Variants in SLC4A4 observed in about 807,000 individuals in gnomAD.
The protein encoded by SLC4A4 is electrogenic sodium bicarbonate cotransporter 1.
SLC4A4 carries 27 observed loss-of-function variants against 111.5 expected under a neutral mutation model. The observed-to-expected ratio is 0.24, with a 90% CI of 0.18 to 0.33. The LOEUF (loss-of-function observed/expected upper bound fraction) is 0.33. Among genes scored for constraint, SLC4A4 ranks in the 10% least tolerant of loss-of-function variants. SLC4A4 has a pLI of 1.00. For missense variants in SLC4A4, 909 were observed against 1,315.5 expected (o/e 0.69, Z 4.78); for synonymous variants, 443 against 463.4 (o/e 0.96, Z 0.57).
chr4:71,082,920 C>T (rs957860114), intron 1 of SLC4A4, among the ~76,000 whole-genome samples: 7 of 151,172 alleles, frequency 4.6e-5, no homozygotes, highest in African/African-American at 1.5e-4. Context: ...GTCACAGGAT[C>T]GCGGCTCACT....
At chr4:71,316,554 TA>T in intron 3 of SLC4A4, among the ~76,000 whole-genome samples, 1 of 152,246 alleles carries the variant, frequency 6.6e-6, no homozygotes, top group Admixed American at 6.5e-5. Context: ...TTATGATTTT[TA>T]AAAATTTAAT....
At chr4:71,475,795 G>A (rs1369897196) in intron 14 of SLC4A4, among the ~76,000 whole-genome samples, 1 of 151,880 alleles carries the variant, frequency 6.6e-6, no homozygotes, top group Non-Finnish European at 1.5e-5. Context: ...AGCTATTACA[G>A]ATAAAATTCT....
At chr4:71,195,849 T>C (rs1745975790) in intron 1 of SLC4A4, among the ~76,000 whole-genome samples, 2 of 152,262 alleles carry the variant, frequency 1.3e-5, no homozygotes, top group Admixed American at 1.3e-4. Context: ...AGCTCTTCCA[T>C]TTCTTGTGCC....
At chr4:71,539,713 G>C (rs1734873242) in intron 18 of SLC4A4, among the ~76,000 whole-genome samples, 1 of 152,042 alleles carries the variant, frequency 6.6e-6, no homozygotes, top group Non-Finnish European at 1.5e-5. Flanking sequence ...TTCTTTTACA[G>C]TATCTGTTTT....
chr4:71,285,512 G>A (rs1328982878), intron 3 of SLC4A4, among the ~76,000 whole-genome samples: 1 of 152,168 alleles, frequency 6.6e-6, no homozygotes, highest in Non-Finnish European at 1.5e-5. Context: ...GCTGGGGCTT[G>A]ATGAAGCATC....
intron 1 of SLC4A4, among the ~76,000 whole-genome samples, chr4:71,228,487 ATT>A (rs1454791580): frequency 6.6e-6 from 1 of 152,216 alleles, no homozygotes; most frequent in Non-Finnish European, 1.5e-5. Flanking sequence ...TTAGGAAATT[ATT>A]TAATTCCCTA....
intron 1 of SLC4A4, among the ~76,000 whole-genome samples, chr4:71,076,522 ACT>A (rs1741834048): frequency 6.6e-6 from 1 of 150,814 alleles, no homozygotes. Context: ...ATGAAGCCAG[ACT>A]CTGTCTTTAA....
At chr4:71,481,166 T>G (rs1236671393) in intron 14 of SLC4A4, among the ~76,000 whole-genome samples, 4 of 151,680 alleles carry the variant, frequency 2.6e-5, no homozygotes. Flanking sequence ...TGTGGGAGCC[T>G]AAGGGCACTA....
chr4:71,493,174 A>C (rs1196092962), intron 15 of SLC4A4, among the ~76,000 whole-genome samples: 1 of 151,960 alleles, frequency 6.6e-6, no homozygotes, highest in Non-Finnish European at 1.5e-5. Context: ...CAAAAATAAA[A>C]CATGCCCAGT....
At chr4:71,196,130 G>T (rs528224913) in intron 1 of SLC4A4, among the ~76,000 whole-genome samples, 6 of 152,218 alleles carry the variant, frequency 3.9e-5, no homozygotes, top group Non-Finnish European at 7.3e-5. Flanking sequence ...CAGTTGAACT[G>T]CTTCACAAAT....
chr4:71,151,441 T>C (rs1218679063), intron 2 of SLC4A4, among the ~76,000 whole-genome samples: 1 of 152,134 alleles, frequency 6.6e-6, no homozygotes, highest in Non-Finnish European at 1.5e-5. Flanking sequence ...TGATGAAGTC[T>C]TCATTTTCTC....
chr4:71,063,292 T>C (rs748627086), intron 1 of SLC4A4, among the ~76,000 whole-genome samples: 2 of 152,194 alleles, frequency 1.3e-5, no homozygotes, highest in Non-Finnish European at 2.9e-5. Context: ...TATAAAGTGT[T>C]CTGAAACGTT....
At chr4:71,351,603 C>G (rs1729841294) in intron 5 of SLC4A4, among the ~76,000 whole-genome samples, 1 of 152,166 alleles carries the variant, frequency 6.6e-6, no homozygotes, top group East Asian at 1.9e-4. Context: ...GCCTGTAATC[C>G]CAGCACTTTT....
intron 2 of SLC4A4, among the ~76,000 whole-genome samples, chr4:71,150,346 A>T (rs529559264): frequency 6.6e-6 from 1 of 152,260 alleles, no homozygotes; most frequent in South Asian, 2.1e-4. Flanking sequence ...TTAGGGAAAC[A>T]GATGCCCTTC....
In SLC4A4 at chr4:71,557,736, C is replaced by T; in HGVS notation, c.2788C>T (p.Leu930=). 2 of 1,612,792 alleles carry T rather than the reference C, an allele frequency of 1.2e-6. No individual in the cohort carries two copies. Among genetic ancestry groups the T allele is most frequent in the East Asian group, 4.5e-5 (2 of 44,754 alleles). The change falls in exon 22 of 26, where the codon CTG becomes TTG. Residue 930 remains leucine (L), a synonymous_variant. Transcript: ENST00000264485. ...GTTCATGGATCGTCTGAAGCTGCTT[C>T]TGATGCCTCTGAAGCATCAGCCTGA... ...VQFMDRLKLL[L]MPLKHQPDFI...
intron 12 of SLC4A4, among the ~76,000 whole-genome samples, chr4:71,454,403 G>A (rs1402317238): frequency 1.3e-5 from 2 of 152,150 alleles, no homozygotes; most frequent in East Asian, 1.9e-4. Flanking sequence ...AAAAGCTATT[G>A]TGCTAGGTGA....
intron 12 of SLC4A4, among the ~76,000 whole-genome samples, chr4:71,461,299 T>C (rs373196947): frequency 1.3e-5 from 2 of 152,040 alleles, no homozygotes; most frequent in Non-Finnish European, 2.9e-5. Flanking sequence ...TCAAAAAAAA[T>C]AGAAAATTTT....
At chr4:71,207,914 G>A (rs1717873051) in intron 1 of SLC4A4, among the ~76,000 whole-genome samples, 1 of 152,256 alleles carries the variant, frequency 6.6e-6, no homozygotes, top group Middle Eastern at 3.4e-3. Flanking sequence ...TTAGGCTCAC[G>A]TGATCCTCCC....
At chr4:71,534,415 T>G in intron 18 of SLC4A4, 27 bp downstream of exon 18, 1 of 1,608,048 alleles carries the variant, frequency 6.2e-7, no homozygotes, top group Non-Finnish European at 8.5e-7. Flanking sequence ...ATGTCTGTCA[T>G]TGCCTTCTAC....
Sources: gnomAD v4.1 joint callset for allele counts (sites outside exome capture counted in the v4.1 genomes callset) on GRCh38, gnomAD v4.1.1 for gene constraint, MANE v1.5 for transcripts, NCBI Gene and HGNC (gene_info 2026-07-23, HGNC 2026-07-21) for gene names.